PDE4D: variants seen among roughly 807,000 people sequenced by gnomAD.
PDE4D encodes phosphodiesterase 4D.
PDE4D carries 24 observed loss-of-function variants against 87.4 expected under a neutral mutation model. That is an observed-to-expected ratio of 0.27 (90% CI 0.20 to 0.39). The LOEUF (loss-of-function observed/expected upper bound fraction) is 0.39. Ranked by LOEUF, PDE4D falls within the 10% of genes least tolerant of loss-of-function variation. The probability of loss-of-function intolerance (pLI) is 1.00; values close to 1 mark genes in which losing one functional copy is unlikely to be tolerated. For synonymous variants in PDE4D, 384 were observed against 383.2 expected, an observed-to-expected ratio of 1.00 and a Z score of -0.02; for missense variants, 714 against 1,041.0, an observed-to-expected ratio of 0.69 and a Z score of 4.32.
intron 1 of PDE4D, among the ~76,000 whole-genome samples, chr5:60,493,395 C>T (rs1248317120): frequency 1.3e-5 from 2 of 152,174 alleles, no homozygotes; most frequent in Admixed American, 6.5e-5. Context: ...ATGCTGAATT[C>T]TCAGCTTAAA....
intron 1 of PDE4D, among the ~76,000 whole-genome samples, chr5:59,710,083 T>C (rs988917072): frequency 5.9e-5 from 9 of 152,304 alleles, no homozygotes; most frequent in Non-Finnish European, 1.2e-4. Context: ...TATGTGCATC[T>C]GAATATGCTA....
intron 1 of PDE4D, among the ~76,000 whole-genome samples, chr5:59,254,337 G>A (rs776676746): frequency 6.6e-6 from 1 of 152,066 alleles, no homozygotes; most frequent in Non-Finnish European, 1.5e-5. Flanking sequence ...TGCTTTTGAT[G>A]TGGATTGATT....
At chr5:59,561,797 T>C (rs1820045584) in intron 1 of PDE4D, among the ~76,000 whole-genome samples, 1 of 152,166 alleles carries the variant, frequency 6.6e-6, no homozygotes, top group African/African-American at 2.4e-5. Context: ...CCAGGCATGG[T>C]GGCATATGCC....
chr5:59,813,445 TACAC>T (rs35313403), intron 1 of PDE4D, among the ~76,000 whole-genome samples: 4,632 of 143,084 alleles, frequency 0.032, 155 homozygotes, highest in African/African-American at 0.074. Context: ...CATACACTTG[TACAC>T]ACACACACAC....
chr5:60,303,892 G>T (rs1269531285), intron 1 of PDE4D, among the ~76,000 whole-genome samples: 1 of 152,148 alleles, frequency 6.6e-6, no homozygotes, highest in Non-Finnish European at 1.5e-5. Context: ...TGTCAGTGAG[G>T]TGTTAAAATC....
intron 6 of PDE4D, among the ~76,000 whole-genome samples, chr5:58,997,781 T>C (rs1222115196): frequency 2.6e-5 from 4 of 152,120 alleles, no homozygotes; most frequent in Non-Finnish European, 5.9e-5. Flanking sequence ...AAAAATGCAG[T>C]TGAATCTCAA....
intron 1 of PDE4D, among the ~76,000 whole-genome samples, chr5:59,293,651 A>C (rs1768479158): frequency 6.6e-6 from 1 of 152,184 alleles, no homozygotes; most frequent in Non-Finnish European, 1.5e-5. Context: ...CCCAATAACC[A>C]AATGCATTTT....
At chr5:59,730,616 A>G (rs1327264789) in intron 1 of PDE4D, among the ~76,000 whole-genome samples, 2 of 152,022 alleles carry the variant, frequency 1.3e-5, no homozygotes, top group African/African-American at 2.4e-5. Flanking sequence ...CTCCCCTTTC[A>G]TTTTTGGATC....
intron 1 of PDE4D, among the ~76,000 whole-genome samples, chr5:60,449,609 A>G (rs1456148510): frequency 5.3e-5 from 8 of 151,604 alleles, no homozygotes; most frequent in South Asian, 4.2e-4. Flanking sequence ...TAACCTGCAC[A>G]TTGTGCACAT....
chr5:60,373,646 A>C (rs1375694788), intron 1 of PDE4D, among the ~76,000 whole-genome samples: 4 of 152,206 alleles, frequency 2.6e-5, no homozygotes, highest in Non-Finnish European at 5.9e-5. Flanking sequence ...TGGAAAACCT[A>C]GTGAGAAAAG....
intron 2 of PDE4D, among the ~76,000 whole-genome samples, chr5:60,092,938 C>G (rs568116040): frequency 6.6e-6 from 1 of 152,164 alleles, no homozygotes; most frequent in Admixed American, 6.5e-5. Context: ...TGACTCACCA[C>G]GAGGGACTAC....
At chr5:60,428,704 TG>T (rs1246350329) in intron 1 of PDE4D, among the ~76,000 whole-genome samples, 1 of 152,236 alleles carries the variant, frequency 6.6e-6, no homozygotes, top group African/African-American at 2.4e-5. Context: ...TAGGTATCCT[TG>T]GCCCCACTTT....
intron 1 of PDE4D, among the ~76,000 whole-genome samples, chr5:60,330,369 C>T (rs1035578192): frequency 1.3e-5 from 2 of 152,130 alleles, no homozygotes; most frequent in African/African-American, 4.8e-5. Context: ...TAAGCCCAAA[C>T]AATTAAGTGT....
intron 1 of PDE4D, among the ~76,000 whole-genome samples, chr5:59,688,040 C>T (rs1750215767): frequency 6.6e-6 from 1 of 152,106 alleles, no homozygotes; most frequent in African/African-American, 2.4e-5. Context: ...ATATATGCAC[C>T]CAATACAGGA....
At chr5:60,017,375 T>C (rs529186785) in intron 2 of PDE4D, among the ~76,000 whole-genome samples, 13 of 152,300 alleles carry the variant, frequency 8.5e-5, no homozygotes, top group Non-Finnish European at 1.2e-4. Flanking sequence ...TGGTGGTTTG[T>C]TGCACCTATC....
chr5:60,272,722 A>G (rs1750940606), intron 1 of PDE4D, among the ~76,000 whole-genome samples: 3 of 152,236 alleles, frequency 2.0e-5, no homozygotes, highest in Admixed American at 2.0e-4. Context: ...AAACCTAGAA[A>G]AAAAGAACTG....
intron 2 of PDE4D, among the ~76,000 whole-genome samples, chr5:60,048,894 T>G (rs1163112547): frequency 6.6e-6 from 1 of 152,210 alleles, no homozygotes; most frequent in Admixed American, 6.5e-5. Context: ...CTGTATTTCC[T>G]GAATCTGAAT....
intron 1 of PDE4D, among the ~76,000 whole-genome samples, chr5:59,721,014 T>A (rs546394030): frequency 6.6e-6 from 1 of 152,292 alleles, no homozygotes; most frequent in East Asian, 1.9e-4. Context: ...CCCAGCAGTT[T>A]TAACCTTAAA....
intron 2 of PDE4D, among the ~76,000 whole-genome samples, chr5:60,082,768 C>T (rs1774096239): frequency 6.6e-6 from 1 of 152,140 alleles, no homozygotes; most frequent in Non-Finnish European, 1.5e-5. Flanking sequence ...ACACTGCCCT[C>T]TTGTTCTTCA....
Sources: gnomAD v4.1 joint callset for allele counts (sites outside exome capture counted in the v4.1 genomes callset) on GRCh38, gnomAD v4.1.1 for gene constraint, MANE v1.5 for transcripts, NCBI Gene and HGNC (gene_info 2026-07-23, HGNC 2026-07-21) for gene names.